Variants in INPP4B observed in about 807,000 individuals in gnomAD.
INPP4B encodes inositol polyphosphate 4-phosphatase type II.
Under a neutral mutation model 122.5 loss-of-function variants are expected in INPP4B, and 55 were observed. The ratio of observed to expected loss-of-function variants is 0.45; its 90% CI spans 0.36 to 0.56. INPP4B has a LOEUF of 0.56. Among genes scored for constraint, INPP4B ranks in the 20% least tolerant of loss-of-function variants. The pLI is 0.00. For synonymous variants in INPP4B, 403 were observed against 388.7 expected (o/e 1.04, Z -0.43); for missense variants, 1,000 against 1,097.7 (o/e 0.91, Z 1.26).
At chr4:142,364,533 A>G (rs939747432) in intron 7 of INPP4B, among the ~76,000 whole-genome samples, 1 of 152,032 alleles carries the variant, frequency 6.6e-6, no homozygotes, top group African/African-American at 2.4e-5. Context: ...CCCTGTGTCC[A>G]TCTAAGCCAA....
intron 2 of INPP4B, among the ~76,000 whole-genome samples, chr4:142,628,206 A>G (rs890204314): frequency 6.7e-5 from 10 of 149,492 alleles, no homozygotes; most frequent in East Asian, 5.9e-4. Context: ...TGTGGCACAT[A>G]TACACCATGG....
intron 16 of INPP4B, among the ~76,000 whole-genome samples, chr4:142,169,677 C>T (rs336386): frequency 0.99 from 150,723 of 151,788 alleles, 74,840 homozygotes; most frequent in East Asian, 1. Context: ...TTCTCAAATA[C>T]GCTGTGAGTA....
intron 7 of INPP4B, among the ~76,000 whole-genome samples, chr4:142,341,984 T>C (rs1778851360): frequency 6.6e-6 from 1 of 152,182 alleles, no homozygotes; most frequent in Non-Finnish European, 1.5e-5. Context: ...TGTGAGACTC[T>C]GGGCAGAGGA....
At chr4:142,695,533 CTAATA>C (rs1760905946) in intron 2 of INPP4B, among the ~76,000 whole-genome samples, 1 of 152,074 alleles carries the variant, frequency 6.6e-6, no homozygotes, top group African/African-American at 2.4e-5. Context: ...TGTCACTTCC[CTAATA>C]TAATTATCTG....
chr4:142,185,843 C>T (rs1229687858), intron 15 of INPP4B, among the ~76,000 whole-genome samples: 3 of 143,836 alleles, frequency 2.1e-5, no homozygotes, highest in African/African-American at 7.8e-5. Context: ...TGCGCCACTG[C>T]ACTACCTCCT....
intron 1 of INPP4B, among the ~76,000 whole-genome samples, chr4:142,736,299 T>A (rs528146843): frequency 1.1e-4 from 16 of 152,282 alleles, no homozygotes; most frequent in African/African-American, 3.8e-4. Flanking sequence ...ATTTCCCTAA[T>A]TTCTATGAAA....
chr4:142,344,214 A>G (rs1442560969), intron 7 of INPP4B, among the ~76,000 whole-genome samples: 1 of 152,110 alleles, frequency 6.6e-6, no homozygotes, highest in African/African-American at 2.4e-5. Flanking sequence ...ATCTTTGCAC[A>G]TGGAAGAGAG....
intron 12 of INPP4B, among the ~76,000 whole-genome samples, chr4:142,232,710 A>G (rs1054790660): frequency 4.6e-5 from 7 of 152,126 alleles, no homozygotes; most frequent in African/African-American, 1.7e-4. Flanking sequence ...AAGTCAAGAA[A>G]GGCTGAAAGT....
chr4:142,478,701 A>C (rs1820114205), intron 2 of INPP4B, among the ~76,000 whole-genome samples: 1 of 152,092 alleles, frequency 6.6e-6, no homozygotes, highest in Non-Finnish European at 1.5e-5. Flanking sequence ...TATTTTGTTA[A>C]AGATTTTTGC....
intron 7 of INPP4B, among the ~76,000 whole-genome samples, chr4:142,321,835 C>A (rs943672859): frequency 5.3e-5 from 8 of 152,054 alleles, no homozygotes; most frequent in Non-Finnish European, 1.2e-4. Context: ...TTTTGGTGGT[C>A]ATAGCCTTAT....
intron 1 of INPP4B, among the ~76,000 whole-genome samples, chr4:142,750,619 C>A (rs1469715089): frequency 6.6e-6 from 1 of 152,074 alleles, no homozygotes; most frequent in Non-Finnish European, 1.5e-5. Context: ...CTTGGGTGGG[C>A]TTCAGATCAC....
At chr4:142,280,880 A>T (rs1359638944) in intron 9 of INPP4B, among the ~76,000 whole-genome samples, 1 of 151,970 alleles carries the variant, frequency 6.6e-6, no homozygotes, top group African/African-American at 2.4e-5. Context: ...TGCACTATAA[A>T]TTCAAAATAT....
chr4:142,447,393 T>G (rs2149483063), intron 3 of INPP4B, among the ~76,000 whole-genome samples: 1 of 152,294 alleles, frequency 6.6e-6, no homozygotes, highest in Non-Finnish European at 1.5e-5. Context: ...GTCTCTAGGC[T>G]GGATTGGGAA....
At position 142,102,458 on chromosome 4, in the gene INPP4B, GTC is replaced by G. The variant is rs1179308316; in HGVS notation, c.2374+5633_2374+5634del. 2.5e-5 allele frequency among the ~76,000 whole-genome samples: 3 copies of G among 120,754 alleles called. No homozygotes were observed. The Admixed American group carries it at 3.4e-4, about 14-fold the overall frequency. 79.2% of individuals were successfully genotyped at this position (120,754 alleles called of 152,430 possible). On this transcript the variant is annotated intron_variant, in intron 23 of 25. Transcript: ENST00000262992. The stretch of plus-strand genomic sequence containing the variant: ...AGTTGGCAAGGTGGATGTGAACAAA[GTC>G]TTTTTTTTTTTTTTTTTTTTTGAAG...
At chr4:142,387,429 T>C (rs1293297455) in intron 7 of INPP4B, among the ~76,000 whole-genome samples, 1 of 148,398 alleles carries the variant, frequency 6.7e-6, no homozygotes, top group Non-Finnish European at 1.5e-5. Flanking sequence ...TTGCTAAAGA[T>C]AACTTACAGT....
chr4:142,695,216 A>G (rs557569652), intron 2 of INPP4B, among the ~76,000 whole-genome samples: 31 of 152,300 alleles, frequency 2.0e-4, no homozygotes, highest in African/African-American at 7.2e-4. Flanking sequence ...ATTTCAGAAT[A>G]GCATAAAGAT....
At position 142,767,329 on chromosome 4, in the gene INPP4B, A is replaced by G. The variant is rs140201374; in HGVS notation, c.-253-41428T>C. The stretch of plus-strand genomic sequence containing the variant: ...CTTCCAAACCTAGGTAAGAGATATG[A>G]AAACTTAACCTTCCAGCCAAGACAA... On this transcript the variant is annotated intron_variant, in intron 1 of 25. Transcript: ENST00000262992. Among the ~76,000 whole-genome samples, 11 of 152,294 alleles carry G rather than the reference A, an allele frequency of 7.2e-5. No individual in the cohort carries two copies. In the East Asian group the frequency reaches 1.9e-3, roughly 27 times the overall value.
At chr4:142,394,952 T>G (rs1295756201) in intron 7 of INPP4B, among the ~76,000 whole-genome samples, 1 of 152,224 alleles carries the variant, frequency 6.6e-6, no homozygotes, top group East Asian at 1.9e-4. Flanking sequence ...CAAAGTTTAT[T>G]TTTTAAGAAA....
Position 142,763,132 on chromosome 4 carries a change from A to G in INPP4B, c.-253-37231T>C, listed in dbSNP as rs114169428. On this transcript the variant is annotated intron_variant, in intron 1 of 25. Transcript: ENST00000262992. The stretch of plus-strand genomic sequence containing the variant: ...GTTATAGCCACGTGAATGGACTACA[A>G]TTGTCATCTTGGAGAAGTCCTTTAA... 8.5e-3 allele frequency among the ~76,000 whole-genome samples: 1,300 copies of G among 152,304 alleles called. 26 individuals are homozygous for G. The highest frequency in any genetic ancestry group is 0.03 in the African/African-American group (1,236 of 41,568).
Sources: gnomAD v4.1 joint callset for allele counts (sites outside exome capture counted in the v4.1 genomes callset) on GRCh38, gnomAD v4.1.1 for gene constraint, MANE v1.5 for transcripts, NCBI Gene and HGNC (gene_info 2026-07-23, HGNC 2026-07-21) for gene names.